REEP3: variants seen among roughly 807,000 people sequenced by gnomAD.
REEP3 encodes receptor accessory protein 3.
A neutral mutation model predicts 41.3 loss-of-function variants in REEP3; 20 were observed. The observed-to-expected ratio is 0.48, with a 90% CI of 0.34 to 0.70. The LOEUF (loss-of-function observed/expected upper bound fraction) is 0.70. Among genes scored for constraint, REEP3 ranks in the 30% least tolerant of loss-of-function variants. REEP3 has a pLI of 0.01. For missense variants in REEP3, 271 were observed against 308.8 expected, an observed-to-expected ratio of 0.88 and a Z score of 0.92; for synonymous variants, 104 against 101.8, an observed-to-expected ratio of 1.02 and a Z score of -0.13.
At chr10:63,586,688 A>T (rs1013600422) in intron 2 of REEP3, among the ~76,000 whole-genome samples, 2 of 152,096 alleles carry the variant, frequency 1.3e-5, no homozygotes, top group Admixed American at 6.5e-5. Flanking sequence ...TTCTTTTTTT[A>T]AAAAATTAAT....
intron 1 of REEP3, among the ~76,000 whole-genome samples, chr10:63,551,930 GT>G (rs1273703536): frequency 6.6e-6 from 1 of 152,154 alleles, no homozygotes; most frequent in Non-Finnish European, 1.5e-5. Context: ...AGAGAAATCA[GT>G]TGTGGAGTTT....
At chr10:63,538,180 CATG>C (rs1013798730) in intron 1 of REEP3, among the ~76,000 whole-genome samples, 6 of 152,130 alleles carry the variant, frequency 3.9e-5, no homozygotes, top group African/African-American at 1.4e-4. Context: ...TCTTATTTTT[CATG>C]ATATTTCTTG....
chr10:63,523,793 C>T (rs1239033972), intron 1 of REEP3, among the ~76,000 whole-genome samples: 4 of 152,150 alleles, frequency 2.6e-5, no homozygotes, highest in Non-Finnish European at 5.9e-5. Flanking sequence ...AAAAAGCAAG[C>T]TGGAAAGGTA....
intron 5 of REEP3, chr10:63,606,078 A>T: frequency 1.1e-6 from 1 of 921,680 alleles, no homozygotes; most frequent in Non-Finnish European, 1.3e-6. Flanking sequence ...TTACATTCTC[A>T]TCATAATCTC....
intron 1 of REEP3, among the ~76,000 whole-genome samples, chr10:63,547,236 A>G (rs571244038): frequency 1.3e-5 from 2 of 152,270 alleles, no homozygotes; most frequent in African/African-American, 4.8e-5. Context: ...TCACGACTTT[A>G]AGATAACCAA....
chr10:63,602,761 C>T (rs1213532725), intron 5 of REEP3, among the ~76,000 whole-genome samples: 1 of 152,176 alleles, frequency 6.6e-6, no homozygotes, highest in Non-Finnish European at 1.5e-5. Context: ...TTATCTTATC[C>T]TCATTCCCTT....
chr10:63,551,004 A>G (rs1158980033), intron 1 of REEP3, among the ~76,000 whole-genome samples: 1 of 152,108 alleles, frequency 6.6e-6, no homozygotes, highest in Non-Finnish European at 1.5e-5. Flanking sequence ...ACAGACAATT[A>G]ACATATAAAA....
intron 5 of REEP3, among the ~76,000 whole-genome samples, chr10:63,600,414 A>T (rs995043479): frequency 2.6e-5 from 4 of 152,194 alleles, no homozygotes; most frequent in Admixed American, 6.5e-5. Context: ...ATTAATGATT[A>T]TTAATGGTCA....
chr10:63,605,223 A>T (rs1252872276), intron 5 of REEP3, among the ~76,000 whole-genome samples: 1 of 152,150 alleles, frequency 6.6e-6, no homozygotes, highest in Non-Finnish European at 1.5e-5. Context: ...CCTTTTTAAA[A>T]TTTTTCTCCA....
intron 5 of REEP3, among the ~76,000 whole-genome samples, chr10:63,601,112 C>T (rs1056404911): frequency 1.3e-5 from 2 of 151,952 alleles, no homozygotes; most frequent in African/African-American, 4.8e-5. Flanking sequence ...CAAGATCACA[C>T]CACTATACTC....
At chr10:63,550,924 A>G (rs1284572960) in intron 1 of REEP3, among the ~76,000 whole-genome samples, 1 of 152,240 alleles carries the variant, frequency 6.6e-6, no homozygotes, top group Admixed American at 6.5e-5. Flanking sequence ...CAGATATACA[A>G]TATATACACT....
At chr10:63,608,575 C>T (rs2133426712) in intron 5 of REEP3, among the ~76,000 whole-genome samples, 1 of 152,210 alleles carries the variant, frequency 6.6e-6, no homozygotes, top group Non-Finnish European at 1.5e-5. Flanking sequence ...CATAAATTCA[C>T]ATGTGTGAAA....
intron 2 of REEP3, among the ~76,000 whole-genome samples, chr10:63,581,422 T>C (rs1196911533): frequency 6.6e-6 from 1 of 152,172 alleles, no homozygotes; most frequent in Non-Finnish European, 1.5e-5. Flanking sequence ...TGCATTGAAA[T>C]GTATTATACA....
intron 1 of REEP3, chr10:63,521,801 TGCGACGGCGGCG>T: frequency 3.3e-6 from 1 of 301,210 alleles, no homozygotes; most frequent in East Asian, 5.2e-5. Flanking sequence ...CGACTGCGGC[TGCGACGGCGGCG>T]GCGGCTGTGG....
intron 3 of REEP3, among the ~76,000 whole-genome samples, chr10:63,595,329 A>G (rs1956103709): frequency 6.6e-6 from 1 of 152,226 alleles, no homozygotes; most frequent in Non-Finnish European, 1.5e-5. Flanking sequence ...CTCTGTTCCA[A>G]ATAGACGAGG....
chr10:63,542,327 C>G (rs1955536608), intron 1 of REEP3, among the ~76,000 whole-genome samples: 1 of 152,186 alleles, frequency 6.6e-6, no homozygotes, highest in African/African-American at 2.4e-5. Context: ...CCACCCGCCT[C>G]TGTCTCCCAA....
At chr10:63,553,385 T>G (rs1463397841) in intron 1 of REEP3, among the ~76,000 whole-genome samples, 1 of 152,154 alleles carries the variant, frequency 6.6e-6, no homozygotes, top group Non-Finnish European at 1.5e-5. Context: ...CACTGATGTA[T>G]CCCTAGTGAT....
At chr10:63,562,321 G>T (rs576509574) in intron 1 of REEP3, among the ~76,000 whole-genome samples, 1 of 150,068 alleles carries the variant, frequency 6.7e-6, no homozygotes, top group South Asian at 2.2e-4. Context: ...CCAGTGGCAC[G>T]ATCTCGGCTC....
At chr10:63,544,005 T>C (rs1276255506) in intron 1 of REEP3, among the ~76,000 whole-genome samples, 1 of 152,204 alleles carries the variant, frequency 6.6e-6, no homozygotes, top group Non-Finnish European at 1.5e-5. Context: ...CAAAATGTTA[T>C]GAGAACATGG....
Sources: allele counts gnomAD v4.1 joint callset (sites outside exome capture counted in the v4.1 genomes callset), GRCh38; gene constraint gnomAD v4.1.1; transcripts MANE v1.5; gene names NCBI Gene and HGNC (gene_info 2026-07-23, HGNC 2026-07-21).